The following SYT16 variants were observed in gnomAD, a reference collection of about 807,000 sequenced individuals.
SYT16 encodes the protein synaptotagmin-16.
In SYT16, 42 loss-of-function variants were observed where a neutral mutation model predicts 61.4. The ratio of observed to expected loss-of-function variants is 0.68; its 90% CI spans 0.53 to 0.89. The LOEUF (loss-of-function observed/expected upper bound fraction) is 0.89. Among genes scored for constraint, SYT16 ranks in the 40% least tolerant of loss-of-function variants. SYT16 has a pLI of 0.00. For missense variants in SYT16, 804 were observed against 807.3 expected (o/e 1.00, Z 0.05); for synonymous variants, 314 against 302.3 (o/e 1.04, Z -0.40).
intron 1 of SYT16, among the ~76,000 whole-genome samples, chr14:61,901,635 G>T (rs1415482020): frequency 2.0e-5 from 3 of 151,914 alleles, no homozygotes; most frequent in African/African-American, 4.8e-5. Context: ...TGCTTGATCT[G>T]TTTGAGTAGC....
At chr14:62,029,753 A>G (rs2054241500) in intron 3 of SYT16, among the ~76,000 whole-genome samples, 1 of 151,056 alleles carries the variant, frequency 6.6e-6, no homozygotes, top group Non-Finnish European at 1.5e-5. Context: ...TCACCCTCTG[A>G]CCTCGCTTTT....
At chr14:61,894,024 CT>C (rs1444667811) in intron 1 of SYT16, among the ~76,000 whole-genome samples, 1 of 152,206 alleles carries the variant, frequency 6.6e-6, no homozygotes, top group African/African-American at 2.4e-5. Flanking sequence ...TGGCTCATGC[CT>C]GTAATCCCAG....
At chr14:61,824,306 A>G (rs191537866) in intron 1 of SYT16, among the ~76,000 whole-genome samples, 59 of 152,188 alleles carry the variant, frequency 3.9e-4, no homozygotes, top group African/African-American at 1.4e-3. Context: ...TTTGTTTTCT[A>G]TTGAATATGC....
chr14:61,889,615 C>CCT (rs368518193), intron 1 of SYT16, among the ~76,000 whole-genome samples: 49 of 150,756 alleles, frequency 3.3e-4, no homozygotes, highest in African/African-American at 1.1e-3. Context: ...TGTCTCCCTC[C>CCT]CTCTCTCTCT....
intron 1 of SYT16, among the ~76,000 whole-genome samples, chr14:61,945,057 A>T (rs1211141911): frequency 6.6e-6 from 1 of 152,216 alleles, no homozygotes; most frequent in Non-Finnish European, 1.5e-5. Context: ...AAACAACCCC[A>T]TCAAAAAGTA....
chr14:62,078,172 A>AAACACACAC (rs1555382591), intron 5 of SYT16, among the ~76,000 whole-genome samples: 3 of 128,852 alleles, frequency 2.3e-5, no homozygotes, highest in East Asian at 4.3e-4. Context: ...TATATATATA[A>AAACACACAC]ACACACACAC....
At chr14:61,869,872 T>G (rs917154934) in intron 1 of SYT16, among the ~76,000 whole-genome samples, 1 of 152,206 alleles carries the variant, frequency 6.6e-6, no homozygotes, top group Non-Finnish European at 1.5e-5. Flanking sequence ...TCCAGTGCCT[T>G]GAACTTGGAC....
intron 3 of SYT16, among the ~76,000 whole-genome samples, chr14:62,053,624 T>A (rs149111506): frequency 1.3e-5 from 2 of 152,360 alleles, no homozygotes; most frequent in African/African-American, 4.8e-5. Context: ...AAGCATGTGC[T>A]TTATTCTTAA....
Position 61,964,168 on chromosome 14 carries a change from G to A in SYT16, c.-324-5964G>A, listed in dbSNP as rs557971028. ...TTCAAGGAGTAAGTTCAACTTTCAA[G>A]CTCATTATTTAAGAAATATGTTTTG... On this transcript the variant is annotated intron_variant, in intron 1 of 7. Transcript: ENST00000683842. Among the ~76,000 whole-genome samples, 3 of 152,216 alleles carry A rather than the reference G, an allele frequency of 2.0e-5. No individual in the cohort carries two copies. In the South Asian group the frequency reaches 6.2e-4, roughly 32 times the overall value.
At chr14:61,871,818 A>C (rs1423864927) in intron 1 of SYT16, among the ~76,000 whole-genome samples, 1 of 152,224 alleles carries the variant, frequency 6.6e-6, no homozygotes, top group African/African-American at 2.4e-5. Flanking sequence ...GTGTTGTCAT[A>C]GCACATTTTC....
chr14:61,861,885 C>A (rs1188318732), intron 1 of SYT16, among the ~76,000 whole-genome samples: 19 of 151,848 alleles, frequency 1.3e-4, no homozygotes, highest in African/African-American at 4.1e-4. Context: ...GCATCATATC[C>A]AAAAAAATAC....
intron 3 of SYT16, 164 bp from the exon 4 acceptor site, chr14:62,069,439 A>G (rs2056202991): frequency 1.5e-6 from 1 of 648,796 alleles, no homozygotes; most frequent in Non-Finnish European, 2.7e-6. Context: ...TTGGACTCAA[A>G]TTTGTGTTGC....
chr14:61,913,783 A>G (rs1454244940), intron 1 of SYT16, among the ~76,000 whole-genome samples: 1 of 151,300 alleles, frequency 6.6e-6, no homozygotes, highest in Non-Finnish European at 1.5e-5. Flanking sequence ...AATTTTGAAA[A>G]TACACCAGGC....
At chr14:61,822,818 A>T (rs1302375771) in intron 1 of SYT16, among the ~76,000 whole-genome samples, 2 of 152,068 alleles carry the variant, frequency 1.3e-5, no homozygotes, top group African/African-American at 4.8e-5. Flanking sequence ...ATGCTCTGAA[A>T]CTCAGGTTGA....
At chr14:61,947,202 C>G (rs1027097205) in intron 1 of SYT16, among the ~76,000 whole-genome samples, 1 of 151,198 alleles carries the variant, frequency 6.6e-6, no homozygotes, top group Non-Finnish European at 1.5e-5. Context: ...GGGCTCTGGT[C>G]TCAGCTCTGC....
chr14:61,901,762 AATT>A (rs1555354445), intron 1 of SYT16, among the ~76,000 whole-genome samples: 242 of 138,826 alleles, frequency 1.7e-3, no homozygotes, highest in Middle Eastern at 7.2e-3. Context: ...TAATAATAAT[AATT>A]ATTATTATTA....
At chr14:62,067,484 G>A (rs2056109847) in intron 3 of SYT16, among the ~76,000 whole-genome samples, 1 of 152,170 alleles carries the variant, frequency 6.6e-6, no homozygotes, top group African/African-American at 2.4e-5. Flanking sequence ...AACAATCTCG[G>A]CCTGTTGGAG....
intron 3 of SYT16, among the ~76,000 whole-genome samples, chr14:62,068,886 C>G (rs568534183): frequency 6.6e-6 from 1 of 152,132 alleles, no homozygotes; most frequent in Admixed American, 6.5e-5. Flanking sequence ...ACCTCCACTT[C>G]CTGGGTTCAA....
chr14:61,993,742 G>A (rs1200349552), intron 2 of SYT16, among the ~76,000 whole-genome samples: 1 of 152,124 alleles, frequency 6.6e-6, no homozygotes, highest in Non-Finnish European at 1.5e-5. Context: ...GAACTTATGT[G>A]ATAACATTGT....
Sources: allele counts gnomAD v4.1 joint callset (sites outside exome capture counted in the v4.1 genomes callset), GRCh38; gene constraint gnomAD v4.1.1; transcripts MANE v1.5; gene names NCBI Gene and HGNC (gene_info 2026-07-23, HGNC 2026-07-21).